Variants in SLC6A6 observed in about 807,000 individuals in gnomAD.
SLC6A6 encodes the protein solute carrier family 6 member 6.
Under a neutral mutation model 68.8 loss-of-function variants are expected in SLC6A6, and 16 were observed. The ratio of observed to expected loss-of-function variants is 0.23; its 90% CI spans 0.16 to 0.35. The LOEUF (loss-of-function observed/expected upper bound fraction) is 0.35, where lower values mean the gene tolerates loss of function less well. Ranked by LOEUF, SLC6A6 falls within the 10% of genes least tolerant of loss-of-function variation. SLC6A6 has a pLI of 1.00. For missense variants in SLC6A6, 474 were observed against 802.8 expected (o/e 0.59, Z 4.95); for synonymous variants, 312 against 315.4 (o/e 0.99, Z 0.12).
chr3:14,454,579 C>G (rs1700328403), intron 5 of SLC6A6, among the ~76,000 whole-genome samples: 1 of 152,090 alleles, frequency 6.6e-6, no homozygotes, highest in African/African-American at 2.4e-5. Flanking sequence ...TGCTCTGGCC[C>G]TGAGCCTGTG....
chr3:14,466,597 G>T lies in SLC6A6; in HGVS notation c.814G>T (p.Ala272Ser), dbSNP rs761829964. The T allele has an allele frequency of 1.4e-5, 22 of 1,612,790 alleles. No homozygotes were observed. Among genetic ancestry groups the T allele is most frequent in the Non-Finnish European group, 8.5e-7 (1 of 1,179,324 alleles). Residue 272 changes from alanine (A) to serine (S), a missense_variant, in exon 7 of 15, where the codon GCA (alanine) becomes TCA (serine). Physicochemically the swap from Ala to Ser is moderately conservative, Grantham distance 99. Transcript: ENST00000622186. ...VRGLTLPGAGAGIKFYLYPDI... is the reference protein window; with the variant it reads ...VRGLTLPGAGSGIKFYLYPDI... ...AGGGCTGACGCTGCCGGGCGCGGGC[G>T]CAGGCATCAAGTTCTATCTGTATCC...
chr3:14,450,798 C>T lies in SLC6A6; in HGVS notation c.599+2982C>T, dbSNP rs1700235238. ...CCTGCCTTCAAGAGCCTTCTCTTTT[C>T]TTGGCATGCAATGGTGGAAAGGCAA... On this transcript the variant is annotated intron_variant, in intron 5 of 14. Coordinates refer to ENST00000622186, the MANE Select transcript of SLC6A6 (RefSeq NM_003043.6). This position sits in a 1 kb window ranked among gnomAD's most constrained non-coding sequence, Gnocchi z 4.1. Among the ~76,000 whole-genome samples, 1 of 152,238 alleles carries T rather than the reference C, an allele frequency of 6.6e-6. No homozygotes were observed. The highest frequency in any genetic ancestry group is 2.4e-5 in the African/African-American group (1 of 41,458).
intron 1 of SLC6A6, among the ~76,000 whole-genome samples, chr3:14,412,773 C>T (rs966728088): frequency 5.9e-5 from 9 of 152,218 alleles, no homozygotes; most frequent in Middle Eastern, 3.2e-3. Flanking sequence ...TTGTGAGCCT[C>T]CTATACATTA....
rs1700233686 is a variant in SLC6A6, at chr3:14,450,711, C to T, written c.599+2895C>T. Among the ~76,000 whole-genome samples, 2 of 152,234 alleles carry T rather than the reference C, an allele frequency of 1.3e-5. No individual in the cohort carries two copies. The highest frequency in any genetic ancestry group is 2.1e-4 in the South Asian group (1 of 4,830). On this transcript the variant is annotated intron_variant, in intron 5 of 14. Coordinates refer to ENST00000622186, the MANE Select transcript of SLC6A6 (RefSeq NM_003043.6). This position sits in a 1 kb window ranked among gnomAD's most constrained non-coding sequence, Gnocchi z 4.1. ...AGCACAGGCCGAGGCCAGAGAGCTA[C>T]ACCAGGGGACAGCTCAGTTCCAGCC...
Position 14,481,314 on chromosome 3 carries a change from A to G in SLC6A6, c.1552-357A>G, listed in dbSNP as rs1032254166. 6.6e-6 allele frequency among the ~76,000 whole-genome samples: 1 copy of G among 152,160 alleles called. No individual in the cohort carries two copies. Among genetic ancestry groups the G allele is most frequent in the African/African-American group, 2.4e-5 (1 of 41,436 alleles). On this transcript the variant is annotated intron_variant, in intron 13 of 14. Transcript: ENST00000622186. The surrounding 1 kb of genome is among the most constrained non-coding windows in gnomAD (Gnocchi z 4.7). ...ATGCCAAGACCCAGAGTTCAGTGAC[A>G]GAGGAGCTAGAAGGAATTCTTCAGG...
At chr3:14,410,601 A>G (rs1406201169) in intron 1 of SLC6A6, among the ~76,000 whole-genome samples, 1 of 152,188 alleles carries the variant, frequency 6.6e-6, no homozygotes, top group African/African-American at 2.4e-5. Context: ...CTCCCTCAGC[A>G]GGTATCTGAG....
intron 10 of SLC6A6, among the ~76,000 whole-genome samples, chr3:14,473,375 G>A (rs1700798163): frequency 6.6e-6 from 1 of 152,060 alleles, no homozygotes; most frequent in African/African-American, 2.4e-5. Flanking sequence ...GTGTAGTCTG[G>A]GTCTGGAGGT....
rs747434401 is a variant in SLC6A6 at position 14,468,249 on chromosome 3, C to T, written c.1096+37C>T. ...TCGGTGGCAGTGGTGGTGGGCACTG[C>T]CACCTAGTGTGTAAGCCAAGTACTG... is the stretch of plus-strand genomic sequence containing the variant. On this transcript the variant is annotated intron_variant, in intron 9 of 14. Coordinates refer to ENST00000622186, the MANE Select transcript of SLC6A6 (RefSeq NM_003043.6). The surrounding 1 kb of genome is among the most constrained non-coding windows in gnomAD (Gnocchi z 4.5). 2 of 1,595,586 alleles carry T rather than the reference C, an allele frequency of 1.3e-6. No homozygotes were observed. The highest frequency in any genetic ancestry group is 1.7e-6 in the Non-Finnish European group (2 of 1,170,210).
chr3:14,449,300 T>C (rs1054881350), intron 5 of SLC6A6, among the ~76,000 whole-genome samples: 3 of 152,244 alleles, frequency 2.0e-5, no homozygotes, highest in African/African-American at 7.2e-5. Context: ...CTCTAGTGTG[T>C]ATATTTTCCA....
intron 2 of SLC6A6, among the ~76,000 whole-genome samples, chr3:14,433,426 GGC>G (rs1422002271): frequency 1.3e-5 from 2 of 152,160 alleles, no homozygotes; most frequent in African/African-American, 4.8e-5. Flanking sequence ...AAGACATTCT[GGC>G]CACCCACCCC....
chr3:14,413,330 G>A (rs970863556), intron 1 of SLC6A6, among the ~76,000 whole-genome samples: 5 of 152,242 alleles, frequency 3.3e-5, no homozygotes, highest in African/African-American at 9.6e-5. Context: ...TGCTGCTTCC[G>A]TTGTTTAAAG....
At position 14,485,153 on chromosome 3, in the gene SLC6A6, TGC is replaced by T; in HGVS notation, c.*148_*149del. On this transcript the variant is annotated 3_prime_UTR_variant, in exon 15 of 15. Transcript: ENST00000622186. ...CAGAAAATGTAATTGTGGGTATGTG[TGC>T]GTGCGTGTGTGTGTGTGTGTGTATC... The T allele has an allele frequency of 3.5e-6, 2 of 565,576 alleles. No homozygotes were observed. Among genetic ancestry groups the T allele is most frequent in the Non-Finnish European group, 5.8e-6 (2 of 346,644 alleles). 35.0% of individuals were successfully genotyped at this position (565,576 alleles called of 1,614,324 possible).
At chr3:14,461,318 C>T (rs762732296) in intron 6 of SLC6A6, among the ~76,000 whole-genome samples, 3 of 152,200 alleles carry the variant, frequency 2.0e-5, no homozygotes, top group Non-Finnish European at 4.4e-5. Flanking sequence ...CATTACCTTG[C>T]CCAGCATCCC....
At chr3:14,448,507 T>C (rs1338939703) in intron 5 of SLC6A6, among the ~76,000 whole-genome samples, 1 of 152,202 alleles carries the variant, frequency 6.6e-6, no homozygotes, top group Non-Finnish European at 1.5e-5. Context: ...CAGGCTAGCC[T>C]GGGCTTGTCA....
intron 2 of SLC6A6, among the ~76,000 whole-genome samples, chr3:14,420,512 A>G (rs12492474): frequency 0.66 from 89,799 of 136,936 alleles, 31,129 homozygotes; most frequent in East Asian, 0.96. Flanking sequence ...TTTTTTTGAG[A>G]CAGAGTCTTG....
intron 2 of SLC6A6, among the ~76,000 whole-genome samples, chr3:14,428,367 T>C (rs967744639): frequency 2.6e-5 from 4 of 152,224 alleles, no homozygotes; most frequent in African/African-American, 9.6e-5. Flanking sequence ...GGGCCTCGGC[T>C]CAGAGCCCAG....
At chr3:14,412,477 C>T (rs1218497980) in intron 1 of SLC6A6, among the ~76,000 whole-genome samples, 12 of 152,106 alleles carry the variant, frequency 7.9e-5, no homozygotes, top group Non-Finnish European at 1.2e-4. Flanking sequence ...CTCAGGAGTT[C>T]GAGACCAGCC....
chr3:14,404,243 T>G (rs1699055031), intron 1 of SLC6A6, among the ~76,000 whole-genome samples: 1 of 152,042 alleles, frequency 6.6e-6, no homozygotes, highest in African/African-American at 2.4e-5. Flanking sequence ...CAGAAGGAGT[T>G]TATTTTTATG....
At chr3:14,456,131 A>C (rs1198763332) in intron 5 of SLC6A6, among the ~76,000 whole-genome samples, 1 of 152,184 alleles carries the variant, frequency 6.6e-6, no homozygotes, top group Non-Finnish European at 1.5e-5. Context: ...CCTATCTGTA[A>C]AATGGGGTGA....
Sources: allele counts gnomAD v4.1 joint callset (sites outside exome capture counted in the v4.1 genomes callset), GRCh38; gene constraint gnomAD v4.1.1; non-coding constraint Gnocchi (gnomAD v3.1); transcripts MANE v1.5; gene names NCBI Gene and HGNC (gene_info 2026-07-23, HGNC 2026-07-21).